The following VASH2 variants were observed in gnomAD, a reference collection of about 807,000 sequenced individuals.
VASH2 encodes vasohibin 2, also known as tubulinyl-Tyr carboxypeptidase 2.
A neutral mutation model predicts 37.2 loss-of-function variants in VASH2; 28 were observed. The observed-to-expected ratio is 0.75, with a 90% CI of 0.56 to 1.03. The LOEUF (loss-of-function observed/expected upper bound fraction) is 1.03, where lower values mean the gene tolerates loss of function less well. Ranked by LOEUF, VASH2 falls within the 50% of genes least tolerant of loss-of-function variation. The pLI, the probability that VASH2 is intolerant of heterozygous loss-of-function variation, is 0.00. For synonymous variants in VASH2, 188 were observed against 174.7 expected (o/e 1.08, Z -0.60); for missense variants, 419 against 459.1 (o/e 0.91, Z 0.80).
chr1:212,974,847 A>G (rs1255645717), intron 7 of VASH2: 1 of 152,254 alleles, frequency 6.6e-6, no homozygotes, highest in Non-Finnish European at 1.5e-5. Context: ...CAACTGTGCC[A>G]CGTGTTAGCT....
At chr1:212,962,351 T>C (rs955259947) in intron 3 of VASH2, among the ~76,000 whole-genome samples, 5 of 152,182 alleles carry the variant, frequency 3.3e-5, no homozygotes, top group African/African-American at 1.2e-4. Context: ...CAAGCTTCTG[T>C]GGACCGCTAT....
chr1:212,988,433 G>A, intron 7 of VASH2, 79 bp from the exon 8 acceptor site: 2 of 1,451,910 alleles, frequency 1.4e-6, no homozygotes, highest in East Asian at 2.3e-5. Context: ...GGAAAACCGA[G>A]TAGAGGACCT....
chr1:212,956,186 C>T (rs769947568), intron 2 of VASH2, among the ~76,000 whole-genome samples: 6 of 152,226 alleles, frequency 3.9e-5, no homozygotes, highest in African/African-American at 2.4e-5. Flanking sequence ...GTATCACTTC[C>T]CTTGCGTTCT....
intron 2 of VASH2, among the ~76,000 whole-genome samples, chr1:212,957,900 A>C (rs1189012094): frequency 6.6e-6 from 1 of 152,168 alleles, no homozygotes; most frequent in African/African-American, 2.4e-5. Flanking sequence ...GCACCTGGCC[A>C]ACACAGCTTA....
intron 7 of VASH2, among the ~76,000 whole-genome samples, chr1:212,976,097 G>T (rs1572076138): frequency 6.6e-6 from 1 of 152,148 alleles, no homozygotes; most frequent in African/African-American, 2.4e-5. Context: ...GCTGGTTTGG[G>T]AAATGTGGAG....
intron 5 of VASH2, chr1:212,968,259 A>G: frequency 5.1e-6 from 5 of 985,460 alleles, no homozygotes; most frequent in Non-Finnish European, 6.0e-6. Flanking sequence ...AAGGAGAAAA[A>G]GATCAAAGAT....
intron 2 of VASH2, chr1:212,952,563 G>C (rs546440999): frequency 6.6e-6 from 1 of 152,428 alleles, no homozygotes; most frequent in East Asian, 1.9e-4. Flanking sequence ...GCCTTGGAGA[G>C]AAGCCAGTGA....
At chr1:212,961,438 AC>A in intron 3 of VASH2, 184 bp downstream of exon 3, 1 of 1,336,704 alleles carries the variant, frequency 7.5e-7, no homozygotes, top group Non-Finnish European at 9.9e-7. Context: ...CATTGCAGTG[AC>A]CCAGTAGGGC....
At chr1:212,961,879 C>T (rs1666689665) in intron 3 of VASH2, among the ~76,000 whole-genome samples, 1 of 152,214 alleles carries the variant, frequency 6.6e-6, no homozygotes, top group Admixed American at 6.5e-5. Flanking sequence ...GGATTACAGG[C>T]GTGAGTCACC....
chr1:212,981,854 A>G (rs1667348281), intron 7 of VASH2, among the ~76,000 whole-genome samples: 1 of 152,138 alleles, frequency 6.6e-6, no homozygotes, highest in Non-Finnish European at 1.5e-5. Context: ...ATGCATGTTC[A>G]GCCTTGGGAT....
chr1:212,960,584 T>A (rs1666643623), intron 2 of VASH2, among the ~76,000 whole-genome samples: 1 of 152,220 alleles, frequency 6.6e-6, no homozygotes, highest in Non-Finnish European at 1.5e-5. Context: ...GAGATGGGGT[T>A]TCACCATGTT....
intron 3 of VASH2, among the ~76,000 whole-genome samples, chr1:212,965,176 C>T (rs1338859523): frequency 5.3e-5 from 8 of 152,232 alleles, no homozygotes; most frequent in African/African-American, 1.7e-4. Context: ...CCACCTCAGC[C>T]TCCCAATGGG....
chr1:212,983,983 A>G (rs1667406535), intron 7 of VASH2, among the ~76,000 whole-genome samples: 1 of 152,188 alleles, frequency 6.6e-6, no homozygotes, highest in South Asian at 2.1e-4. Context: ...TATCTCCTCT[A>G]TAAAATGGAC....
rs1404822567 is a variant in VASH2 at position 212,965,737 on chromosome 1, G to A, written c.381G>A (p.Gly127=). ...CTTTACACAGATATAATCACACAGG[G>A]ACCCAGTTCTTTGAAATTAGGAAAA... The part of the protein sequence containing the change: ...YMKTLQYNHT[G]TQFFEIRKMR... Residue 127 remains glycine, a synonymous_variant, in exon 4 of 8, where the codon GGG becomes GGA. Coordinates refer to ENST00000517399, the MANE Select transcript of VASH2 (RefSeq NM_001301056.2). 1.9e-6 allele frequency: 3 copies of A among 1,552,058 alleles called. No homozygotes were observed. The highest frequency in any genetic ancestry group is 2.6e-6 in the Non-Finnish European group (3 of 1,147,018).
In VASH2 at chr1:212,960,686, G is replaced by A. The variant is rs543472527; in HGVS notation, c.277-480G>A. Among the ~76,000 whole-genome samples, 21 of 152,150 alleles carry A rather than the reference G, an allele frequency of 1.4e-4. 1 individual carries two copies. The highest frequency in any genetic ancestry group is 1.6e-4 in the Non-Finnish European group (11 of 68,028). ...ATTACAGGCGTGAGCCATGGCGCCC[G>A]GCATCCATTCACTTTATATTCTGTG... is the stretch of plus-strand genomic sequence containing the variant. On this transcript the variant is annotated intron_variant, in intron 2 of 7. Coordinates refer to ENST00000517399, the MANE Select transcript of VASH2 (RefSeq NM_001301056.2).
At position 212,972,917 on chromosome 1, in the gene VASH2, A is replaced by C. The variant is rs376961593; in HGVS notation, c.835A>C (p.Ile279Leu). 1.5e-5 allele frequency: 24 copies of C among 1,613,932 alleles called. No individual in the cohort carries two copies. Among genetic ancestry groups the C allele is most frequent in the Non-Finnish European group, 2.0e-5 (24 of 1,180,052 alleles). The change falls in exon 6 of 8, where the codon ATA becomes CTA. Residue 279 changes from isoleucine to leucine, a missense_variant. Physicochemically the swap from Ile to Leu is conservative, Grantham distance 5 (BLOSUM62 2). This residue lies in a region of VASH2 where 177 missense variants were observed against 166.2 expected (regional missense o/e 1.06). Transcript: ENST00000517399. Reference protein sequence around the residue: ...LNVSKMLRADIRKELEKYARD... With the variant: ...LNVSKMLRADLRKELEKYARD... ...CGTCTCAAAGATGCTGAGGGCTGAC[A>C]TAAGGAAGGAGCTGGAGAAATATGC...
chr1:212,960,397 C>G (rs1666637721), intron 2 of VASH2, among the ~76,000 whole-genome samples: 1 of 152,140 alleles, frequency 6.6e-6, no homozygotes, highest in African/African-American at 2.4e-5. Flanking sequence ...CTGCACTTGT[C>G]TGGGGAGAGT....
intron 5 of VASH2, chr1:212,968,162 C>T: frequency 2.1e-6 from 2 of 972,348 alleles, no homozygotes; most frequent in East Asian, 1.1e-4. Context: ...GAGGTATTTG[C>T]AATGTGGAGC....
rs1421151889 is a variant in VASH2 at position 212,968,714 on chromosome 1, A to G, written c.497+2369A>G. 5.1e-6 allele frequency: 5 copies of G among 985,378 alleles called. No individual in the cohort carries two copies. The African/African-American group carries it at 8.7e-5, about 17-fold the overall frequency. The allele number at this position is 985,378 out of a possible 1,614,324, so 61.0% of individuals were successfully genotyped here. A position where few individuals can be genotyped will look rare whatever the true frequency, so the allele number is the denominator to read the frequency against. On this transcript the variant is annotated intron_variant, in intron 5 of 7. Coordinates refer to ENST00000517399, the MANE Select transcript of VASH2 (RefSeq NM_001301056.2). The stretch of plus-strand genomic sequence containing the variant: ...AGATGGCTCAGGGCCCCAACTCTTT[A>G]GTGGCAGGAGTCAGCCACAGCTGTT...
Sources: allele counts gnomAD v4.1 joint callset (sites outside exome capture counted in the v4.1 genomes callset), GRCh38; gene constraint gnomAD v4.1.1; regional missense constraint gnomAD v4.1.1; transcripts MANE v1.5; gene names NCBI Gene and HGNC (gene_info 2026-07-23, HGNC 2026-07-21).